The following DNAJC5B variants were observed in gnomAD, a reference collection of about 807,000 sequenced individuals.
DNAJC5B encodes the protein DnaJ heat shock protein family (Hsp40) member C5 beta, also known as dnaJ homolog subfamily C member 5B.
Under a neutral mutation model 24.7 loss-of-function variants are expected in DNAJC5B, and 23 were observed. That is an observed-to-expected ratio of 0.93 (90% CI 0.67 to 1.32). The LOEUF is 1.32. Ranked by LOEUF, DNAJC5B falls within the 40% of genes most tolerant of loss-of-function variation. The pLI is 0.00. For missense variants in DNAJC5B, 238 were observed against 240.8 expected (o/e 0.99, Z 0.08); for synonymous variants, 101 against 90.1 (o/e 1.12, Z -0.68).
At chr8:66,065,163 C>G (rs1001548935) in intron 3 of DNAJC5B, among the ~76,000 whole-genome samples, 1 of 152,200 alleles carries the variant, frequency 6.6e-6, no homozygotes, top group Non-Finnish European at 1.5e-5. Flanking sequence ...GGGAAAAGAC[C>G]AATTCTCTGA....
chr8:66,044,923 A>G (rs887825786), intron 2 of DNAJC5B, among the ~76,000 whole-genome samples: 10 of 152,208 alleles, frequency 6.6e-5, no homozygotes, highest in African/African-American at 2.4e-4. Context: ...TATTTTATAT[A>G]AGGAATTTTA....
chr8:66,064,544 A>G (rs578046373), intron 3 of DNAJC5B, among the ~76,000 whole-genome samples: 76 of 152,194 alleles, frequency 5.0e-4, no homozygotes, highest in Non-Finnish European at 9.3e-4. Flanking sequence ...CTAGTTCAGT[A>G]GAGATTGCTG....
chr8:66,051,119 T>G (rs750835576), intron 2 of DNAJC5B, among the ~76,000 whole-genome samples: 2 of 152,236 alleles, frequency 1.3e-5, no homozygotes, highest in African/African-American at 4.8e-5. Flanking sequence ...CCCCAGCCAC[T>G]GCTTGTCCCA....
At position 66,038,214 on chromosome 8, in the gene DNAJC5B, C is replaced by A. The variant is rs556319298; in HGVS notation, c.-141-5274C>A. Among the ~76,000 whole-genome samples, 4 of 152,254 alleles carry A rather than the reference C, an allele frequency of 2.6e-5. 1 individual carries two copies. The highest frequency in any genetic ancestry group is 2.6e-4 in the Admixed American group (4 of 15,296). ...TCACATGATCACACCTAACAGGTTA[C>A]CTTTCTTAAAATGGGCACCTATTAA... On this transcript the variant is annotated intron_variant, in intron 1 of 5. Coordinates refer to ENST00000276570, the MANE Select transcript of DNAJC5B (RefSeq NM_033105.6).
intron 5 of DNAJC5B, 45 bp downstream of exon 5, chr8:66,080,593 C>T (rs1247414625): frequency 2.7e-6 from 4 of 1,501,352 alleles, no homozygotes; most frequent in South Asian, 2.6e-5. Flanking sequence ...CATTCATAGG[C>T]CTGAGCAAGC....
chr8:66,095,192 C>T (rs6472246), intron 5 of DNAJC5B, among the ~76,000 whole-genome samples: 49,912 of 151,870 alleles, frequency 0.33, 12,535 homozygotes, highest in African/African-American at 0.7. Flanking sequence ...CTACAGGATT[C>T]TGAAGAACTT....
intron 5 of DNAJC5B, among the ~76,000 whole-genome samples, chr8:66,081,597 C>T (rs76591391): frequency 0.028 from 4,195 of 152,238 alleles, 79 homozygotes; most frequent in Non-Finnish European, 0.045. Context: ...CTTCCACACA[C>T]CTTTTATTCC....
chr8:66,089,642 A>G (rs1807803440), intron 5 of DNAJC5B, among the ~76,000 whole-genome samples: 1 of 152,204 alleles, frequency 6.6e-6, no homozygotes, highest in African/African-American at 2.4e-5. Flanking sequence ...TTTTGATGAT[A>G]CAAAATTGTA....
intron 5 of DNAJC5B, among the ~76,000 whole-genome samples, chr8:66,095,566 T>TGTACTTCTTAATTTTC (rs1465199524): frequency 6.6e-6 from 1 of 151,860 alleles, no homozygotes; most frequent in Non-Finnish European, 1.5e-5. Context: ...TCTTAATTTT[T>TGTACTTCTTAATTTTC]GTACTTCTTA....
chr8:66,042,883 G>T (rs1272415123), intron 1 of DNAJC5B, among the ~76,000 whole-genome samples: 4 of 151,840 alleles, frequency 2.6e-5, no homozygotes, highest in African/African-American at 9.7e-5. Context: ...ACCTGTCTTG[G>T]TAAACAGCAC....
intron 1 of DNAJC5B, among the ~76,000 whole-genome samples, chr8:66,041,110 T>G (rs943646850): frequency 6.6e-6 from 1 of 152,216 alleles, no homozygotes; most frequent in Non-Finnish European, 1.5e-5. Context: ...GTTAACACAA[T>G]GAATCTTGAT....
chr8:66,099,671 T>G (rs1808030367), intron 5 of DNAJC5B, among the ~76,000 whole-genome samples: 1 of 152,206 alleles, frequency 6.6e-6, no homozygotes, highest in Admixed American at 6.5e-5. Flanking sequence ...AAACTAAAGT[T>G]CAAGTTCACC....
At chr8:66,080,251 G>A in intron 4 of DNAJC5B, 126 bp from the exon 5 acceptor site, 1 of 1,347,248 alleles carries the variant, frequency 7.4e-7, no homozygotes, top group Non-Finnish European at 1.0e-6. Context: ...GTGAAGATGT[G>A]GCCTGTGGGG....
chr8:66,088,915 T>C (rs1807787157), intron 5 of DNAJC5B, among the ~76,000 whole-genome samples: 1 of 152,172 alleles, frequency 6.6e-6, no homozygotes, highest in African/African-American at 2.4e-5. Flanking sequence ...TTCAGAGCCC[T>C]CCAAACTGTT....
intron 4 of DNAJC5B, among the ~76,000 whole-genome samples, chr8:66,079,863 T>C (rs1807552579): frequency 6.6e-6 from 1 of 151,978 alleles, no homozygotes; most frequent in African/African-American, 2.4e-5. Context: ...GATAGAGGCA[T>C]GAGGGAGGAT....
At chr8:66,042,511 C>A (rs1806631628) in intron 1 of DNAJC5B, among the ~76,000 whole-genome samples, 1 of 152,174 alleles carries the variant, frequency 6.6e-6, no homozygotes, top group Non-Finnish European at 1.5e-5. Context: ...ATTTTTATTT[C>A]ATCAAAGGAC....
At chr8:66,021,503 C>CT (rs1806121497), upstream of DNAJC5B, 3 of 152,278 alleles carry the variant, frequency 2.0e-5, no homozygotes, top group African/African-American at 7.2e-5. Flanking sequence ...TCTGTGACAT[C>CT]ACAATATCCA....
At chr8:66,021,148 A>G (rs146791548), upstream of DNAJC5B, among the ~76,000 whole-genome samples, 104 of 152,268 alleles carry the variant, frequency 6.8e-4, no homozygotes, top group African/African-American at 2.4e-3. Flanking sequence ...TTCTCTTCCC[A>G]TAATGTACAT....
intron 3 of DNAJC5B, among the ~76,000 whole-genome samples, chr8:66,059,878 C>T (rs1371765291): frequency 5.9e-5 from 9 of 152,224 alleles, no homozygotes; most frequent in East Asian, 1.9e-4. Context: ...CTGCCAGGCA[C>T]GGTAGGCACA....
Sources: allele counts gnomAD v4.1 joint callset (sites outside exome capture counted in the v4.1 genomes callset), GRCh38; gene constraint gnomAD v4.1.1; transcripts MANE v1.5; gene names NCBI Gene and HGNC (gene_info 2026-07-23, HGNC 2026-07-21).